The following ROS1 variants were observed in gnomAD, a reference collection of about 807,000 sequenced individuals.
ROS1 encodes the protein ROS proto-oncogene 1, receptor tyrosine kinase, also known as proto-oncogene tyrosine-protein kinase ROS.
Under a neutral mutation model 273.5 loss-of-function variants are expected in ROS1, and 263 were observed. The ratio of observed to expected loss-of-function variants is 0.96; its 90% CI spans 0.87 to 1.06. The LOEUF (loss-of-function observed/expected upper bound fraction) is 1.06. ROS1 is among the 50% of genes least tolerant of loss of function. ROS1 has a pLI of 0.00. For missense variants in ROS1, 2,833 were observed against 2,751.1 expected (o/e 1.03, Z -0.67); for synonymous variants, 1,008 against 954.1 (o/e 1.06, Z -1.04).
intron 18 of ROS1, among the ~76,000 whole-genome samples, chr6:117,369,243 C>A (rs1191354260): frequency 6.6e-6 from 1 of 152,180 alleles, no homozygotes; most frequent in Non-Finnish European, 1.5e-5. Context: ...CTATGCTCCA[C>A]TGTACATACA....
At chr6:117,295,426 G>C (rs549972604) in intron 43 of ROS1, among the ~76,000 whole-genome samples, 1 of 152,172 alleles carries the variant, frequency 6.6e-6, no homozygotes, top group African/African-American at 2.4e-5. Flanking sequence ...ACATTGGTTG[G>C]GGCAAAAATT....
Position 117,404,344 on chromosome 6 carries a change from G to C in ROS1, c.401C>G (p.Ser134Cys), listed in dbSNP as rs775119219. 1 of 1,613,976 alleles carries C rather than the reference G, an allele frequency of 6.2e-7. No individual in the cohort carries two copies. The highest frequency in any genetic ancestry group is 2.2e-5 in the East Asian group (1 of 44,886). ...MTLRWKSANF[S>C]GVKYIIQWKY... is the part of the protein sequence containing the mutation. ...CCACTGAATGATGTATTTTACTCCA[G>C]AGAAGTTTGCAGATTTCCATCGTAA... Residue 134 changes from serine (S) to cysteine (C), a missense_variant, in exon 6 of 44, where the codon TCT (serine) becomes TGT (cysteine). Coordinates refer to ENST00000368507, the MANE Select transcript of ROS1 (RefSeq NM_001378902.1).
rs535659937 is a variant in ROS1 at position 117,334,463 on chromosome 6, G to A, written c.5230+2709C>T. ...TCAATGCTATTCTCATCTAACTACC[G>A]TTGACATTCTTCATAGAATTAGAAA... is the stretch of plus-strand genomic sequence containing the variant. On this transcript the variant is annotated intron_variant, in intron 32 of 43. Transcript: ENST00000368507. Among the ~76,000 whole-genome samples the A allele has an allele frequency of 5.9e-4, 90 of 152,128 alleles. 1 individual carries two copies. Among genetic ancestry groups the A allele is most frequent in the South Asian group, 1.9e-3 (9 of 4,816 alleles).
chr6:117,383,526 A>G lies in ROS1; in HGVS notation c.2290-18T>C, dbSNP rs1413780759. On this transcript the variant is annotated intron_variant, in intron 16 of 43. Coordinates refer to ENST00000368507, the MANE Select transcript of ROS1 (RefSeq NM_001378902.1). ...CTTTGTATCTAAAAAACATAATTGT[A>G]TGGCCAGTTAATGGCTTTCAAGTGA... 1.9e-5 allele frequency: 30 copies of G among 1,583,412 alleles called. No individual in the cohort carries two copies. Among genetic ancestry groups the G allele is most frequent in the Non-Finnish European group, 2.5e-5 (29 of 1,152,382 alleles).
intron 10 of ROS1, 46 bp from the exon 11 acceptor site, chr6:117,394,392 G>C (rs1458876557): frequency 7.4e-7 from 1 of 1,346,780 alleles, no homozygotes. Context: ...ATAACAACCA[G>C]GACAAAAAAC....
chr6:117,355,695 C>T (rs1779251966), intron 26 of ROS1, among the ~76,000 whole-genome samples: 1 of 152,070 alleles, frequency 6.6e-6, no homozygotes. Context: ...CTGCAACCTC[C>T]ACCTCCTGGG....
At position 117,316,271 on chromosome 6, in the gene ROS1, C is replaced by T. The variant is rs563639440; in HGVS notation, c.6117+872G>A. On this transcript the variant is annotated intron_variant, in intron 39 of 43. Coordinates refer to ENST00000368507, the MANE Select transcript of ROS1 (RefSeq NM_001378902.1). ...TCAGTATGAGCAGACTATTTAGGAA[C>T]TTGGCGGTAAATACCACAAGATACA... is the stretch of plus-strand genomic sequence containing the variant. Among the ~76,000 whole-genome samples, 3 of 142,362 alleles carry T rather than the reference C, an allele frequency of 2.1e-5. No individual in the cohort carries two copies. In the East Asian group the frequency reaches 6.1e-4, roughly 29 times the overall value. The allele number at this position is 142,362 out of a possible 152,430, so 93.4% of individuals were successfully genotyped here. A position where few individuals can be genotyped will look rare whatever the true frequency, so the allele number is the denominator to read the frequency against.
chr6:117,349,883 C>A (rs1778675740), intron 27 of ROS1, among the ~76,000 whole-genome samples: 1 of 152,018 alleles, frequency 6.6e-6, no homozygotes, highest in African/African-American at 2.4e-5. Context: ...GTCCTCTTTT[C>A]TATCCCTTGT....
At chr6:117,320,810 C>T (rs1776239102) in intron 36 of ROS1, among the ~76,000 whole-genome samples, 1 of 152,064 alleles carries the variant, frequency 6.6e-6, no homozygotes, top group South Asian at 2.1e-4. Context: ...ATTATGACGG[C>T]AACAAAAGTT....
At chr6:117,388,149 A>C (rs1053377557) in intron 13 of ROS1, 157 bp from the exon 14 acceptor site, 55 of 1,172,180 alleles carry the variant, frequency 4.7e-5, no homozygotes, top group Middle Eastern at 4.1e-4. Context: ...TCATTTGTTG[A>C]TGAGGCTAGG....
intron 12 of ROS1, 70 bp downstream of exon 12, chr6:117,393,154 G>T: frequency 1.1e-6 from 1 of 920,186 alleles, no homozygotes; most frequent in Non-Finnish European, 1.8e-6. Flanking sequence ...TGTTTCATTA[G>T]CAAGCAAGTT....
intron 7 of ROS1, among the ~76,000 whole-genome samples, chr6:117,398,632 T>C (rs548515427): frequency 2.0e-5 from 3 of 149,704 alleles, no homozygotes; most frequent in African/African-American, 7.3e-5. Context: ...TGAGCCGAAA[T>C]TGTGCCACTG....
intron 5 of ROS1, among the ~76,000 whole-genome samples, chr6:117,407,554 C>T (rs867895433): frequency 6.6e-6 from 1 of 152,136 alleles, no homozygotes; most frequent in South Asian, 2.1e-4. Flanking sequence ...ACACAGTACG[C>T]ACTCTATAGG....
intron 39 of ROS1, 31 bp from the exon 40 acceptor site, chr6:117,311,148 G>T (rs1185252373): frequency 2.2e-6 from 3 of 1,350,030 alleles, no homozygotes; most frequent in Non-Finnish European, 3.2e-6. Context: ...ATTACAGGTA[G>T]TTATCTAGTT....
At chr6:117,358,158 T>C (rs999359525) in intron 24 of ROS1, 149 bp from the exon 25 acceptor site, 13 of 595,030 alleles carry the variant, frequency 2.2e-5, no homozygotes, top group Admixed American at 9.1e-5. Flanking sequence ...CATTGTAACA[T>C]GGGCACTGTT....
In ROS1 at chr6:117,416,283, T is replaced by C; in HGVS notation, c.203A>G (p.Asp68Gly). Reference sequence around the variant, plus strand: ...ACACTTTAAAGCACAGTTTTTCTGATCTACAGAGTTCCAAAAGTGACATCC... The same window carrying C: ...ACACTTTAAAGCACAGTTTTTCTGACCTACAGAGTTCCAAAAGTGACATCC... ...IQGCHFWNSV[D>G]QKNCALKCND... Residue 68 changes from aspartate (D) to glycine (G), a missense_variant, in exon 3 of 44, where the codon GAT becomes GGT. Transcript: ENST00000368507. The C allele has an allele frequency of 6.3e-7, 1 of 1,598,996 alleles. No homozygotes were observed. Among genetic ancestry groups the C allele is most frequent in the Non-Finnish European group, 8.6e-7 (1 of 1,166,330 alleles).
At chr6:117,291,176 T>C (rs1773810856) in intron 43 of ROS1, among the ~76,000 whole-genome samples, 1 of 152,216 alleles carries the variant, frequency 6.6e-6, no homozygotes, top group African/African-American at 2.4e-5. Context: ...ACATTCATTG[T>C]AAATAACAGA....
chr6:117,417,468 G>A (rs1175905979), intron 2 of ROS1, among the ~76,000 whole-genome samples: 1 of 151,890 alleles, frequency 6.6e-6, no homozygotes, highest in Non-Finnish European at 1.5e-5. Context: ...CCTCAGGAAG[G>A]ACCCCTCTTG....
At chr6:117,381,971 C>T (rs1299990628) in intron 17 of ROS1, among the ~76,000 whole-genome samples, 1 of 152,114 alleles carries the variant, frequency 6.6e-6, no homozygotes, top group Non-Finnish European at 1.5e-5. Context: ...CCCAAGGTCA[C>T]ACCAGAGCTT....
Sources: gnomAD v4.1 joint callset for allele counts (sites outside exome capture counted in the v4.1 genomes callset) on GRCh38, gnomAD v4.1.1 for gene constraint, MANE v1.5 for transcripts, NCBI Gene and HGNC (gene_info 2026-07-23, HGNC 2026-07-21) for gene names.